The following MOB1B variants were observed in gnomAD, a reference collection of about 807,000 sequenced individuals.
MOB1B encodes the protein MOB1 Mps One Binder homolog B.
A neutral mutation model predicts 24.4 loss-of-function variants in MOB1B; 19 were observed. That is an observed-to-expected ratio of 0.78 (90% CI 0.54 to 1.14). The LOEUF is 1.14. Among genes scored for constraint, MOB1B ranks in the 50% most tolerant of loss-of-function variants. MOB1B has a pLI of 0.00. For synonymous variants in MOB1B, 76 were observed against 82.1 expected (o/e 0.93, Z 0.40); for missense variants, 243 against 259.6 (o/e 0.94, Z 0.44).
chr4:70,913,331 CTG>C (rs1043822765), intron 1 of MOB1B, among the ~76,000 whole-genome samples: 10 of 152,008 alleles, frequency 6.6e-5, no homozygotes, highest in Non-Finnish European at 1.0e-4. Context: ...TAGTCTCACT[CTG>C]TTGCCCAGGC....
chr4:70,967,372 G>A (rs1296562071), intron 2 of MOB1B, among the ~76,000 whole-genome samples: 1 of 152,124 alleles, frequency 6.6e-6, no homozygotes, highest in Non-Finnish European at 1.5e-5. Flanking sequence ...GACCTCAGAT[G>A]GTCCACCCAC....
At chr4:70,957,306 A>G (rs1738105106) in intron 1 of MOB1B, among the ~76,000 whole-genome samples, 1 of 149,390 alleles carries the variant, frequency 6.7e-6, no homozygotes, top group Non-Finnish European at 1.5e-5. Flanking sequence ...CCACTTCTCC[A>G]GCCTCTTTTT....
intron 1 of MOB1B, among the ~76,000 whole-genome samples, chr4:70,904,895 A>G (rs1164327793): frequency 6.6e-6 from 1 of 152,156 alleles, no homozygotes; most frequent in Admixed American, 6.5e-5. Flanking sequence ...TATTTAATAG[A>G]TTCAGATTTG....
At chr4:70,940,615 T>C (rs971147331) in intron 1 of MOB1B, among the ~76,000 whole-genome samples, 1 of 152,192 alleles carries the variant, frequency 6.6e-6, no homozygotes, top group Non-Finnish European at 1.5e-5. Context: ...TCCGAATGGA[T>C]GAACAATTTT....
intron 1 of MOB1B, among the ~76,000 whole-genome samples, chr4:70,958,168 CTTTTT>C: frequency 7.1e-6 from 1 of 141,810 alleles, no homozygotes; most frequent in East Asian, 2.0e-4. Context: ...TCTTTTCTTT[CTTTTT>C]TTTTTTTTTG....
chr4:70,913,566 T>C (rs1736083272), intron 1 of MOB1B, among the ~76,000 whole-genome samples: 1 of 151,852 alleles, frequency 6.6e-6, no homozygotes, highest in South Asian at 2.1e-4. Context: ...GCTGGGATTC[T>C]AGGTGTGCGC....
intron 1 of MOB1B, among the ~76,000 whole-genome samples, chr4:70,914,476 T>C (rs1348791493): frequency 6.6e-6 from 1 of 152,170 alleles, no homozygotes; most frequent in Non-Finnish European, 1.5e-5. Flanking sequence ...TTGGTTCTGC[T>C]CAGTGGAGAA....
At chr4:70,969,727 T>G (rs1738679563) in intron 2 of MOB1B, among the ~76,000 whole-genome samples, 1 of 152,256 alleles carries the variant, frequency 6.6e-6, no homozygotes, top group East Asian at 1.9e-4. Context: ...TCTCTTCATC[T>G]CTATGCTTGC....
intron 3 of MOB1B, among the ~76,000 whole-genome samples, chr4:70,972,935 G>A (rs941856717): frequency 6.6e-5 from 10 of 151,968 alleles, no homozygotes; most frequent in Admixed American, 1.3e-4. Context: ...CACCACACCC[G>A]GCTAATTTTT....
chr4:70,969,817 C>T, intron 2 of MOB1B, 114 bp from the exon 3 acceptor site: 1 of 504,028 alleles, frequency 2.0e-6, no homozygotes, highest in East Asian at 3.3e-5. Flanking sequence ...ATGGTTTTCA[C>T]CTGTTCTTTG....
At chr4:70,902,927 G>A (rs1359190292) in intron 1 of MOB1B, among the ~76,000 whole-genome samples, 1 of 152,216 alleles carries the variant, frequency 6.6e-6, no homozygotes. Context: ...AGCGGTGCTC[G>A]GTTGAATGGC....
At chr4:70,934,703 G>T (rs921189473) in intron 1 of MOB1B, among the ~76,000 whole-genome samples, 4 of 152,012 alleles carry the variant, frequency 2.6e-5, no homozygotes, top group Non-Finnish European at 2.9e-5. Context: ...TGATTTGCCT[G>T]TCTCAGCATG....
intron 4 of MOB1B, 151 bp downstream of exon 4, chr4:70,975,437 C>CA (rs1738944032): frequency 1.5e-6 from 2 of 1,344,878 alleles, no homozygotes; most frequent in Non-Finnish European, 1.9e-6. Context: ...AGAAGAGGCA[C>CA]AAAAGTTTGT....
intron 4 of MOB1B, among the ~76,000 whole-genome samples, chr4:70,977,630 T>A (rs1056461018): frequency 3.9e-5 from 6 of 152,280 alleles, no homozygotes; most frequent in Non-Finnish European, 8.8e-5. Flanking sequence ...TTTTTCCCCC[T>A]TGTGGTAAGA....
At chr4:70,956,667 G>T (rs1410539209) in intron 1 of MOB1B, among the ~76,000 whole-genome samples, 1 of 151,732 alleles carries the variant, frequency 6.6e-6, no homozygotes, top group Non-Finnish European at 1.5e-5. Context: ...CAATCTGCCC[G>T]CCTCGACCTC....
chr4:70,907,830 G>T (rs967381814), intron 1 of MOB1B, among the ~76,000 whole-genome samples: 17 of 152,036 alleles, frequency 1.1e-4, no homozygotes, highest in Non-Finnish European at 2.2e-4. Flanking sequence ...AATTTAAAAA[G>T]AGACTGGGTG....
intron 1 of MOB1B, among the ~76,000 whole-genome samples, chr4:70,956,195 T>G (rs1738042609): frequency 6.6e-6 from 1 of 152,202 alleles, no homozygotes; most frequent in African/African-American, 2.4e-5. Flanking sequence ...CACTGGAAAG[T>G]CGCTGAGTTG....
At chr4:70,973,788 G>A (rs1738866064) in intron 3 of MOB1B, among the ~76,000 whole-genome samples, 1 of 152,172 alleles carries the variant, frequency 6.6e-6, no homozygotes, top group African/African-American at 2.4e-5. Context: ...TGGCAGTAAG[G>A]TTGTCTACAG....
At chr4:70,929,556 T>C (rs1736794926) in intron 1 of MOB1B, among the ~76,000 whole-genome samples, 1 of 152,072 alleles carries the variant, frequency 6.6e-6, no homozygotes, top group Non-Finnish European at 1.5e-5. Context: ...CAACTGCTTA[T>C]TGTGGCCTCC....
Sources: gnomAD v4.1 joint callset for allele counts (sites outside exome capture counted in the v4.1 genomes callset) on GRCh38, gnomAD v4.1.1 for gene constraint, MANE v1.5 for transcripts, NCBI Gene and HGNC (gene_info 2026-07-23, HGNC 2026-07-21) for gene names.